NEGR1: variants seen among roughly 807,000 people sequenced by gnomAD.
NEGR1 encodes neuronal growth regulator 1, also known as IgLON family member 4.
NEGR1 carries 10 observed loss-of-function variants against 40.9 expected under a neutral mutation model. That is an observed-to-expected ratio of 0.24 (90% CI 0.15 to 0.42). The LOEUF is 0.42. NEGR1 is among the 10% of genes least tolerant of loss of function. The pLI is 1.00. For synonymous variants in NEGR1, 185 were observed against 166.8 expected (o/e 1.11, Z -0.84); for missense variants, 352 against 438.9 (o/e 0.80, Z 1.77).
At chr1:71,542,939 G>A (rs1399992784) in intron 6 of NEGR1, among the ~76,000 whole-genome samples, 1 of 151,642 alleles carries the variant, frequency 6.6e-6, no homozygotes, top group Non-Finnish European at 1.5e-5. Context: ...CTGTGTGTAC[G>A]TATATATAGC....
chr1:71,742,191 G>A (rs536710766), intron 3 of NEGR1, among the ~76,000 whole-genome samples: 2 of 152,260 alleles, frequency 1.3e-5, no homozygotes, highest in South Asian at 2.1e-4. Flanking sequence ...TACAAATTGG[G>A]AAGAAGACCT....
At chr1:71,676,529 C>A (rs925531135) in intron 4 of NEGR1, among the ~76,000 whole-genome samples, 2 of 152,124 alleles carry the variant, frequency 1.3e-5, no homozygotes, top group African/African-American at 4.8e-5. Context: ...ATCTCCCATG[C>A]AGTAGGATTC....
intron 2 of NEGR1, among the ~76,000 whole-genome samples, chr1:71,920,105 A>G (rs962148949): frequency 2.6e-5 from 4 of 152,106 alleles, no homozygotes; most frequent in African/African-American, 9.7e-5. Context: ...CATTGCTTCT[A>G]CATGCTCAAA....
At chr1:71,923,071 C>G (rs1645735467) in intron 2 of NEGR1, among the ~76,000 whole-genome samples, 1 of 152,120 alleles carries the variant, frequency 6.6e-6, no homozygotes, top group Non-Finnish European at 1.5e-5. Context: ...AGAGACTTCA[C>G]TCCTTCACTC....
At chr1:71,639,526 A>G (rs541025186) in intron 4 of NEGR1, among the ~76,000 whole-genome samples, 34 of 152,142 alleles carry the variant, frequency 2.2e-4, no homozygotes, top group African/African-American at 7.5e-4. Context: ...AGTATAGTGG[A>G]AGAATATGTG....
chr1:72,084,589 C>G (rs1648135988), intron 1 of NEGR1, among the ~76,000 whole-genome samples: 1 of 152,090 alleles, frequency 6.6e-6, no homozygotes, highest in African/African-American at 2.4e-5. Flanking sequence ...CTAGTTTGTT[C>G]ATGGCTGCAC....
intron 4 of NEGR1, among the ~76,000 whole-genome samples, chr1:71,655,380 C>G (rs1651844034): frequency 6.6e-6 from 1 of 152,032 alleles, no homozygotes; most frequent in Non-Finnish European, 1.5e-5. Flanking sequence ...ATACCTAAAG[C>G]CTTCAGATAG....
chr1:72,013,990 G>GAAAAAAAA (rs1557483824), intron 1 of NEGR1, among the ~76,000 whole-genome samples: 48 of 119,176 alleles, frequency 4.0e-4, no homozygotes, highest in African/African-American at 1.1e-3. Context: ...AAAAAAAAAG[G>GAAAAAAAA]AGGTTGGGGG....
chr1:71,608,467 C>A, intron 5 of NEGR1, among the ~76,000 whole-genome samples: 1 of 142,662 alleles, frequency 7.0e-6, no homozygotes, highest in Non-Finnish European at 1.5e-5. Context: ...TACTATAGGC[C>A]AAGAAAGTGG....
intron 2 of NEGR1, among the ~76,000 whole-genome samples, chr1:71,902,641 C>G (rs114660507): frequency 0.015 from 2,355 of 152,120 alleles, 46 homozygotes; most frequent in South Asian, 0.1. Flanking sequence ...ATTATTTTGC[C>G]GCAATGATAA....
chr1:71,785,452 T>C (rs989341171), intron 2 of NEGR1, among the ~76,000 whole-genome samples: 1 of 152,048 alleles, frequency 6.6e-6, no homozygotes, highest in Non-Finnish European at 1.5e-5. Context: ...GTTTTTTTTT[T>C]TCCTGGAAAC....
chr1:72,242,088 T>C (rs1347707417), intron 1 of NEGR1, among the ~76,000 whole-genome samples: 1 of 151,756 alleles, frequency 6.6e-6, no homozygotes, highest in Admixed American at 6.6e-5. Flanking sequence ...GACAAATACA[T>C]TAATGGTGAA....
intron 1 of NEGR1, among the ~76,000 whole-genome samples, chr1:72,234,721 C>G (rs570221388): frequency 6.6e-6 from 1 of 151,958 alleles, no homozygotes; most frequent in Non-Finnish European, 1.5e-5. Context: ...AAATGCAAAC[C>G]AAAACCACAA....
chr1:72,009,113 C>T (rs1270188733), intron 1 of NEGR1, among the ~76,000 whole-genome samples: 1 of 151,582 alleles, frequency 6.6e-6, no homozygotes, highest in Non-Finnish European at 1.5e-5. Flanking sequence ...ATTACCATTA[C>T]AGAATGGTAA....
In NEGR1 at chr1:71,852,195, G is replaced by C. The variant is rs895907156; in HGVS notation, c.410-75898C>G. 9.4e-4 allele frequency among the ~76,000 whole-genome samples: 143 copies of C among 152,020 alleles called. 1 individual carries two copies. Among genetic ancestry groups the C allele is most frequent in the African/African-American group, 3.4e-3 (141 of 41,402 alleles). On this transcript the variant is annotated intron_variant, in intron 2 of 6. Coordinates refer to ENST00000357731, the MANE Select transcript of NEGR1 (RefSeq NM_173808.3). The stretch of plus-strand genomic sequence containing the variant: ...AGAAAGTCAATGCTACATAATAAGA[G>C]ATTGCACTGGAGACAGACAATGGGA...
intron 6 of NEGR1, among the ~76,000 whole-genome samples, chr1:71,423,277 A>T (rs1339502006): frequency 1.3e-5 from 2 of 152,122 alleles, no homozygotes; most frequent in African/African-American, 4.8e-5. Context: ...TGCCTATCAT[A>T]GTAGCTACTT....
intron 4 of NEGR1, among the ~76,000 whole-genome samples, chr1:71,620,208 T>C (rs1363557315): frequency 6.6e-6 from 1 of 152,030 alleles, no homozygotes; most frequent in Non-Finnish European, 1.5e-5. Context: ...TGCAACAGTA[T>C]AAATAACATT....
chr1:72,217,536 T>C (rs1228743277), intron 1 of NEGR1, among the ~76,000 whole-genome samples: 2 of 151,790 alleles, frequency 1.3e-5, no homozygotes, highest in Non-Finnish European at 2.9e-5. Flanking sequence ...AAAACAGCAT[T>C]ACTTGGCAAT....
intron 6 of NEGR1, among the ~76,000 whole-genome samples, chr1:71,461,980 A>C (rs1397149246): frequency 6.6e-6 from 1 of 152,176 alleles, no homozygotes; most frequent in Non-Finnish European, 1.5e-5. Context: ...GCAGAGTGGG[A>C]TTCGAACCCT....
Sources: gnomAD v4.1 joint callset for allele counts (sites outside exome capture counted in the v4.1 genomes callset) on GRCh38, gnomAD v4.1.1 for gene constraint, MANE v1.5 for transcripts, NCBI Gene and HGNC (gene_info 2026-07-23, HGNC 2026-07-21) for gene names.